Variants in TGFBR3 observed in about 807,000 individuals in gnomAD.
TGFBR3 encodes the protein transforming growth factor beta receptor 3, also known as transforming growth factor beta receptor type 3.
A neutral mutation model predicts 87.9 loss-of-function variants in TGFBR3; 46 were observed. That is an observed-to-expected ratio of 0.52 (90% CI 0.41 to 0.67). The LOEUF (loss-of-function observed/expected upper bound fraction) is 0.67. Ranked by LOEUF, TGFBR3 falls within the 30% of genes least tolerant of loss-of-function variation. The probability of loss-of-function intolerance (pLI) is 0.00; values close to 1 mark genes in which losing one functional copy is unlikely to be tolerated. For missense variants in TGFBR3, 866 were observed against 1,041.9 expected, an observed-to-expected ratio of 0.83 and a Z score of 2.32; for synonymous variants, 381 against 391.6, an observed-to-expected ratio of 0.97 and a Z score of 0.32.
intron 5 of TGFBR3, among the ~76,000 whole-genome samples, chr1:91,733,573 A>T (rs1224559954): frequency 1.3e-5 from 2 of 152,176 alleles, no homozygotes; most frequent in African/African-American, 2.4e-5. Context: ...TGTCTTGTCT[A>T]TGAGGAGGTG....
At chr1:91,709,927 A>AAT (rs746910421) in intron 13 of TGFBR3, among the ~76,000 whole-genome samples, 2 of 151,846 alleles carry the variant, frequency 1.3e-5, no homozygotes, top group Non-Finnish European at 2.9e-5. Flanking sequence ...ACACCCAGCT[A>AAT]ATATATATAT....
At chr1:91,768,696 T>C (rs533318620) in intron 3 of TGFBR3, among the ~76,000 whole-genome samples, 3 of 152,328 alleles carry the variant, frequency 2.0e-5, no homozygotes, top group African/African-American at 7.2e-5. Flanking sequence ...TGTGTCTGCT[T>C]TCCCTTCGCC....
chr1:91,793,866 C>T (rs1363567037), intron 3 of TGFBR3, among the ~76,000 whole-genome samples: 2 of 151,340 alleles, frequency 1.3e-5, no homozygotes, highest in Non-Finnish European at 2.9e-5. Flanking sequence ...TCTGGCCCTC[C>T]TACTATTACC....
intron 3 of TGFBR3, among the ~76,000 whole-genome samples, chr1:91,784,232 C>T (rs1008054882): frequency 6.6e-6 from 1 of 152,048 alleles, no homozygotes; most frequent in African/African-American, 2.4e-5. Flanking sequence ...ATGGAGGACA[C>T]CTGCTTAGCT....
intron 7 of TGFBR3, among the ~76,000 whole-genome samples, chr1:91,723,561 T>C (rs939445674): frequency 6.6e-6 from 1 of 151,474 alleles, no homozygotes; most frequent in Non-Finnish European, 1.5e-5. Flanking sequence ...AGAAATATTT[T>C]TGGGAAAGGA....
intron 3 of TGFBR3, among the ~76,000 whole-genome samples, chr1:91,777,568 C>CCCCCAG (rs1283287233): frequency 7.3e-5 from 11 of 151,394 alleles, no homozygotes; most frequent in Non-Finnish European, 1.0e-4. Flanking sequence ...GCAATGCCTT[C>CCCCCAG]CCCCAGCCCC....
At chr1:91,691,738 C>A (rs1334234947) in intron 16 of TGFBR3, among the ~76,000 whole-genome samples, 1 of 152,094 alleles carries the variant, frequency 6.6e-6, no homozygotes, top group Non-Finnish European at 1.5e-5. Context: ...ATGGAGGGAA[C>A]CGGTTCAGAC....
intron 14 of TGFBR3, among the ~76,000 whole-genome samples, chr1:91,699,921 C>T (rs1671564157): frequency 6.6e-6 from 1 of 152,178 alleles, no homozygotes; most frequent in Admixed American, 6.5e-5. Flanking sequence ...GGTCCACCAC[C>T]TATTTTTGTA....
intron 3 of TGFBR3, among the ~76,000 whole-genome samples, chr1:91,764,328 A>AAC (rs1429806468): frequency 8.2e-6 from 1 of 122,418 alleles, no homozygotes; most frequent in African/African-American, 2.6e-5. Flanking sequence ...AAAAAAAAAA[A>AAC]AAAAAAAAAA....
intron 1 of TGFBR3, among the ~76,000 whole-genome samples, chr1:91,874,569 C>A (rs1364831817): frequency 6.6e-6 from 1 of 152,216 alleles, no homozygotes; most frequent in Non-Finnish European, 1.5e-5. Context: ...GCAATCTCAG[C>A]TCACTGCAAC....
intron 3 of TGFBR3, among the ~76,000 whole-genome samples, chr1:91,772,129 A>C (rs564460338): frequency 5.3e-5 from 8 of 152,340 alleles, no homozygotes; most frequent in African/African-American, 1.7e-4. Flanking sequence ...AGCCAAGCTT[A>C]ACCAGTTAAT....
rs191020914 is a variant in TGFBR3 at position 91,874,256 on chromosome 1, T to C, written c.-114+11622A>G. 3.3e-3 allele frequency among the ~76,000 whole-genome samples: 507 copies of C among 152,276 alleles called. 10 individuals carry two copies. Among genetic ancestry groups the C allele is most frequent in the Non-Finnish European group, 2.9e-3 (194 of 68,036 alleles). On this transcript the variant is annotated intron_variant, in intron 1 of 16. Transcript: ENST00000212355. The stretch of plus-strand genomic sequence containing the variant: ...AAGGACCTAACAGAAGCGAATTCTG[T>C]AGCTATTTGGGGAAAAACATTCCAA...
At chr1:91,853,944 G>A (rs576356773) in intron 2 of TGFBR3, among the ~76,000 whole-genome samples, 42 of 152,134 alleles carry the variant, frequency 2.8e-4, no homozygotes, top group Non-Finnish European at 4.1e-4. Context: ...GGGAGGCGGA[G>A]GTTGCAGTGA....
intron 14 of TGFBR3, among the ~76,000 whole-genome samples, chr1:91,705,144 C>T (rs542794016): frequency 4.5e-4 from 68 of 152,218 alleles, no homozygotes; most frequent in Non-Finnish European, 8.2e-4. Flanking sequence ...AGACATAAAG[C>T]TGTCTGACAG....
At chr1:91,895,290 G>A (rs1679531169) in intron 2 of TGFBR3, among the ~76,000 whole-genome samples, 1 of 152,088 alleles carries the variant, frequency 6.6e-6, no homozygotes, top group Non-Finnish European at 1.5e-5. Context: ...ATCTAAAAGT[G>A]TGCAGCATCT....
rs1672282090 is a variant in TGFBR3, at chr1:91,719,381, C to T, written c.1497G>A (p.Glu499=). 1.2e-6 allele frequency: 2 copies of T among 1,614,192 alleles called. No individual in the cohort carries two copies. The highest frequency in any genetic ancestry group is 2.7e-5 in the African/African-American group (2 of 75,046). Residue 499 remains glutamate, a synonymous_variant, in exon 10 of 17, where the codon GAG becomes GAA. Coordinates refer to ENST00000212355, the MANE Select transcript of TGFBR3 (RefSeq NM_003243.5). ...GAGTACCGCAGCCATTCAGAGGAGA[C>T]TCCAAAACAAAGTGTGTGCCATTCA... is the stretch of plus-strand genomic sequence containing the variant. ...AKMNGTHFVL[E]SPLNGCGTRP... is the part of the protein sequence containing the mutation.
At chr1:91,864,430 A>G (rs189073344) in intron 1 of TGFBR3, among the ~76,000 whole-genome samples, 2 of 152,382 alleles carry the variant, frequency 1.3e-5, no homozygotes, top group African/African-American at 4.8e-5. Context: ...CAGCAAGTTT[A>G]CACCGGATCT....
chr1:91,898,597 C>T (rs1026378490), intron 2 of TGFBR3, among the ~76,000 whole-genome samples: 1 of 152,110 alleles, frequency 6.6e-6, no homozygotes, highest in Non-Finnish European at 1.5e-5. Context: ...CCACCACGCC[C>T]AGCTAATTTT....
intron 14 of TGFBR3, among the ~76,000 whole-genome samples, chr1:91,699,447 T>TTC (rs1671549005): frequency 1.4e-5 from 2 of 146,814 alleles, no homozygotes; most frequent in Non-Finnish European, 3.0e-5. Context: ...TTTTTTTTTT[T>TTC]TTTTTTTGCT....
Sources: allele counts gnomAD v4.1 joint callset (sites outside exome capture counted in the v4.1 genomes callset), GRCh38; gene constraint gnomAD v4.1.1; transcripts MANE v1.5; gene names NCBI Gene and HGNC (gene_info 2026-07-23, HGNC 2026-07-21).